The following OPCML variants were observed in gnomAD, a reference collection of about 807,000 sequenced individuals.
The protein encoded by OPCML is opioid binding protein/cell adhesion molecule like.
Under a neutral mutation model 37.8 loss-of-function variants are expected in OPCML, and 13 were observed. That is an observed-to-expected ratio of 0.34 (90% CI 0.22 to 0.55). OPCML has a LOEUF of 0.55. OPCML is among the 20% of genes least tolerant of loss of function. The pLI is 0.91. For missense variants in OPCML, 341 were observed against 435.6 expected (o/e 0.78, Z 1.93); for synonymous variants, 176 against 168.8 (o/e 1.04, Z -0.33).
intron 4 of OPCML, among the ~76,000 whole-genome samples, chr11:132,518,049 A>T (rs975950669): frequency 6.6e-6 from 1 of 152,224 alleles, no homozygotes; most frequent in Non-Finnish European, 1.5e-5. Flanking sequence ...CAGAATAAAG[A>T]CAAAACTTTT....
intron 3 of OPCML, among the ~76,000 whole-genome samples, chr11:132,582,280 C>A (rs2096463717): frequency 6.6e-6 from 1 of 151,716 alleles, no homozygotes; most frequent in Admixed American, 6.6e-5. Flanking sequence ...GAAGCTAATA[C>A]CAATGAAAGG....
At chr11:133,422,863 A>C (rs1945920806) in intron 1 of OPCML, 1 of 941,578 alleles carries the variant, frequency 1.1e-6, no homozygotes, top group South Asian at 4.9e-5. Context: ...GATTCTACAC[A>C]TAAGAAATCT....
chr11:132,443,220 C>T (rs2096042567), intron 4 of OPCML, among the ~76,000 whole-genome samples: 1 of 152,126 alleles, frequency 6.6e-6, no homozygotes. Context: ...AGGAAAAGAA[C>T]AACAGGAGAT....
In OPCML at chr11:132,673,457, G is replaced by A. The variant is rs1026545036; in HGVS notation, c.147-16138C>T. Among the ~76,000 whole-genome samples, 4 of 152,234 alleles carry A rather than the reference G, an allele frequency of 2.6e-5. No individual in the cohort carries two copies. The South Asian group carries it at 8.3e-4, about 32-fold the overall frequency. On this transcript the variant is annotated intron_variant, in intron 2 of 7. Transcript: ENST00000524381. ...AAGTGAGAGGACTATTTTCAGGAGTGAGAATCAAGAAGCCAAGCAATTGTT... is the reference window on the plus strand; with the variant it reads ...AAGTGAGAGGACTATTTTCAGGAGTAAGAATCAAGAAGCCAAGCAATTGTT...
chr11:133,007,641 A>T (rs948653344), intron 1 of OPCML: 13 of 985,272 alleles, frequency 1.3e-5, no homozygotes, highest in Admixed American at 1.2e-4. Flanking sequence ...TTGCATTTTT[A>T]TTCTCTTTCA....
At chr11:133,058,765 C>G (rs1199786114) in intron 1 of OPCML, among the ~76,000 whole-genome samples, 1 of 152,186 alleles carries the variant, frequency 6.6e-6, no homozygotes, top group East Asian at 1.9e-4. Flanking sequence ...AGCTTAACAT[C>G]AACTGCTGAG....
At chr11:132,954,550 A>G (rs1412330770) in intron 1 of OPCML, among the ~76,000 whole-genome samples, 1 of 152,178 alleles carries the variant, frequency 6.6e-6, no homozygotes, top group Admixed American at 6.5e-5. Flanking sequence ...CATAGTAAGA[A>G]TAGTTGATAC....
intron 2 of OPCML, among the ~76,000 whole-genome samples, chr11:132,880,125 C>G (rs777698437): frequency 6.6e-6 from 1 of 152,130 alleles, no homozygotes. Context: ...TCTTTGTATT[C>G]TTTCCTACCT....
At chr11:133,492,835 T>C (rs1288277793) in intron 1 of OPCML, among the ~76,000 whole-genome samples, 2 of 152,280 alleles carry the variant, frequency 1.3e-5, no homozygotes, top group East Asian at 1.9e-4. Flanking sequence ...CGAGGTCTAT[T>C]ACATGGCAGA....
intron 1 of OPCML, among the ~76,000 whole-genome samples, chr11:132,993,528 C>T (rs531982175): frequency 6.6e-6 from 1 of 152,280 alleles, no homozygotes; most frequent in South Asian, 2.1e-4. Flanking sequence ...CCATGAATGA[C>T]ACCAGGCAGG....
intron 2 of OPCML, among the ~76,000 whole-genome samples, chr11:132,827,195 A>G (rs1051369397): frequency 6.6e-6 from 1 of 152,204 alleles, no homozygotes; most frequent in Non-Finnish European, 1.5e-5. Context: ...CATAACAGAT[A>G]CAAAAACTAC....
chr11:132,491,477 C>A (rs1349151923), intron 4 of OPCML, among the ~76,000 whole-genome samples: 1 of 152,210 alleles, frequency 6.6e-6, no homozygotes, highest in Non-Finnish European at 1.5e-5. Context: ...CAGATACCTA[C>A]TTGTTGCACG....
At chr11:132,773,545 CT>C (rs1364286401) in intron 2 of OPCML, among the ~76,000 whole-genome samples, 4 of 152,154 alleles carry the variant, frequency 2.6e-5, no homozygotes, top group Non-Finnish European at 5.9e-5. Flanking sequence ...ATAGAAAAGT[CT>C]CAGCATCATG....
chr11:133,073,880 A>C (rs1298074950), intron 1 of OPCML, among the ~76,000 whole-genome samples: 2 of 152,212 alleles, frequency 1.3e-5, no homozygotes, highest in African/African-American at 4.8e-5. Flanking sequence ...AAATTATCAT[A>C]CTTGTTTGTG....
chr11:133,306,211 G>A (rs1942913482), intron 1 of OPCML, among the ~76,000 whole-genome samples: 2 of 152,120 alleles, frequency 1.3e-5, no homozygotes, highest in Non-Finnish European at 2.9e-5. Context: ...CCGTGTTTCT[G>A]TTTTCAGGTT....
At chr11:132,976,651 T>C (rs944080262) in intron 1 of OPCML, among the ~76,000 whole-genome samples, 4 of 152,224 alleles carry the variant, frequency 2.6e-5, no homozygotes, top group Non-Finnish European at 4.4e-5. Context: ...AAGGACTCCA[T>C]TGAAAGCTTC....
intron 1 of OPCML, among the ~76,000 whole-genome samples, chr11:133,260,376 A>G (rs977288756): frequency 7.2e-5 from 11 of 152,078 alleles, no homozygotes. Flanking sequence ...ACCTGACTAA[A>G]GAGGGTCTGA....
chr11:132,670,276 C>T lies in OPCML; in HGVS notation c.147-12957G>A, dbSNP rs143276894. ...ATGGCGCAAGTCAGCCACAGGCTCC[C>T]GCACAACTATCGTGGGAGCAAAGAC... On this transcript the variant is annotated intron_variant, in intron 2 of 7. Coordinates refer to ENST00000524381, the MANE Select transcript of OPCML (RefSeq NM_001012393.5). Among the ~76,000 whole-genome samples, 994 of 152,234 alleles carry T rather than the reference C, an allele frequency of 6.5e-3. 14 individuals carry two copies. The highest frequency in any genetic ancestry group is 0.022 in the African/African-American group (927 of 41,552).
chr11:132,526,308 A>C (rs556648074), intron 4 of OPCML, among the ~76,000 whole-genome samples: 3 of 152,288 alleles, frequency 2.0e-5, no homozygotes, highest in Admixed American at 6.5e-5. Flanking sequence ...TAAAAGTTAG[A>C]CATAGTTTTG....
Sources: allele counts gnomAD v4.1 joint callset (sites outside exome capture counted in the v4.1 genomes callset), GRCh38; gene constraint gnomAD v4.1.1; transcripts MANE v1.5; gene names NCBI Gene and HGNC (gene_info 2026-07-23, HGNC 2026-07-21).